XCR1: variants seen among roughly 807,000 people sequenced by gnomAD.
The protein encoded by XCR1 is X-C motif chemokine receptor 1.
For synonymous variants in XCR1, 187 were observed against 188.5 expected (o/e 0.99, Z 0.06); for missense variants, 356 against 424.2 (o/e 0.84, Z 1.41).
At chr3:46,049,508 G>C (rs1415840386) in intron 5 of XCR1, among the ~76,000 whole-genome samples, 3 of 152,224 alleles carry the variant, frequency 2.0e-5, no homozygotes, top group African/African-American at 7.2e-5. Context: ...AAAATAAGCA[G>C]TTCTGGGTCT....
intron 4 of XCR1, among the ~76,000 whole-genome samples, chr3:46,054,638 G>T (rs1041962001): frequency 6.6e-6 from 1 of 152,138 alleles, no homozygotes; most frequent in Non-Finnish European, 1.5e-5. Flanking sequence ...ATCAGTGACT[G>T]AGATGACGAG....
chr3:46,061,769 C>CA (rs1161543968), intron 4 of XCR1, among the ~76,000 whole-genome samples: 1 of 152,062 alleles, frequency 6.6e-6, no homozygotes, highest in African/African-American at 2.4e-5. Context: ...CAGAAGGAGT[C>CA]ATGGGGGTGC....
chr3:46,023,215 ACGCGGCTGCGT>A, intron 1 of XCR1: 1 of 527,554 alleles, frequency 1.9e-6, no homozygotes. Flanking sequence ...CCCAGAGAGG[ACGCGGCTGCGT>A]CGCGCTCCCC....
At chr3:46,031,261 C>T (rs1386076579), upstream of XCR1, among the ~76,000 whole-genome samples, 1 of 152,224 alleles carries the variant, frequency 6.6e-6, no homozygotes, top group East Asian at 1.9e-4. Context: ...TGGATCCAGG[C>T]ATCTCTGCAC....
At position 46,037,695 on chromosome 3, in the gene XCR1, CTGAT is replaced by C. The variant is rs1320363083; in HGVS notation, c.-31-15721_-31-15718del. ...CTGATAGAAAATTGGAAAAATTTGACTGATTAACATTGCTCATAGTTAAAGCTCT... is the reference window on the plus strand; with the variant it reads ...CTGATAGAAAATTGGAAAAATTTGACTAACATTGCTCATAGTTAAAGCTCT... On this transcript the variant is annotated intron_variant, in intron 5 of 5. Coordinates refer to the XCR1 transcript ENST00000683768. Among the ~76,000 whole-genome samples the C allele has an allele frequency of 3.9e-5, 6 of 152,044 alleles. No individual in the cohort carries two copies. The South Asian group carries it at 1.0e-3, about 26-fold the overall frequency.
chr3:46,045,788 C>T (rs572152169), intron 5 of XCR1, among the ~76,000 whole-genome samples: 3 of 152,232 alleles, frequency 2.0e-5, no homozygotes, highest in East Asian at 1.9e-4. Context: ...TTAGTACAAC[C>T]TCTATAGAAA....
intron 5 of XCR1, among the ~76,000 whole-genome samples, chr3:46,053,827 C>T (rs1465301188): frequency 2.6e-5 from 4 of 152,174 alleles, no homozygotes; most frequent in South Asian, 2.1e-4. Flanking sequence ...CTTCAACAGA[C>T]CAATTCTGCC....
chr3:46,076,218 A>G (rs1219808557), intron 2 of XCR1, among the ~76,000 whole-genome samples: 1 of 152,188 alleles, frequency 6.6e-6, no homozygotes, highest in Non-Finnish European at 1.5e-5. Flanking sequence ...GTGGTCCTAC[A>G]ATTTAGGCAA....
At chr3:46,080,311 A>T (rs1698334892) in intron 1 of XCR1, among the ~76,000 whole-genome samples, 1 of 152,236 alleles carries the variant, frequency 6.6e-6, no homozygotes, top group South Asian at 2.1e-4. Flanking sequence ...GAGCAAAGGC[A>T]ATCATTTCAC....
chr3:46,031,120 G>A (rs998890019), upstream of XCR1, among the ~76,000 whole-genome samples: 2 of 151,094 alleles, frequency 1.3e-5, no homozygotes, highest in African/African-American at 5.0e-5. Flanking sequence ...GGTGGGACAC[G>A]GAACTCCCCA....
upstream of XCR1, among the ~76,000 whole-genome samples, chr3:46,031,460 C>T (rs1403669702): frequency 2.6e-5 from 4 of 152,224 alleles, no homozygotes; most frequent in South Asian, 4.1e-4. Context: ...GGCCCTGTCA[C>T]CTTGGCCCCC....
At chr3:46,085,248 A>T (rs1046924145) in intron 1 of XCR1, among the ~76,000 whole-genome samples, 14 of 151,912 alleles carry the variant, frequency 9.2e-5, no homozygotes, top group African/African-American at 3.4e-4. Flanking sequence ...CCGCAAACAC[A>T]ACTCATCACA....
At chr3:46,049,249 G>A (rs1276117115) in intron 5 of XCR1, among the ~76,000 whole-genome samples, 2 of 152,214 alleles carry the variant, frequency 1.3e-5, no homozygotes, top group African/African-American at 4.8e-5. Flanking sequence ...CCAGGGGCAT[G>A]CTGGCAAGTA....
At chr3:46,057,661 C>T (rs1390966957) in intron 4 of XCR1, among the ~76,000 whole-genome samples, 1 of 151,996 alleles carries the variant, frequency 6.6e-6, no homozygotes, top group East Asian at 1.9e-4. Context: ...TCTAGGAGGC[C>T]CGATTCCTCC....
chr3:46,026,074 G>T (rs1708281561), intron 1 of XCR1, among the ~76,000 whole-genome samples: 1 of 151,996 alleles, frequency 6.6e-6, no homozygotes, highest in Non-Finnish European at 1.5e-5. Flanking sequence ...AAAACTATAT[G>T]ATCTTTTCTG....
rs746598461 is a variant in XCR1, at chr3:46,020,798, G to T, written c.*148C>A. The T allele has an allele frequency of 2.7e-4, 305 of 1,141,906 alleles. 1 individual carries two copies. Among genetic ancestry groups the T allele is most frequent in the Non-Finnish European group, 3.5e-4 (296 of 834,610 alleles). 70.7% of individuals were successfully genotyped at this position (1,141,906 alleles called of 1,614,324 possible). A position where few individuals can be genotyped will look rare whatever the true frequency, so the allele number is the denominator to read the frequency against. The stretch of plus-strand genomic sequence containing the variant: ...TGAGAGGCTGGCGGGACCCACTGGT[G>T]TAATGAATGACCTTCACTGCACGCC... On this transcript the variant is annotated 3_prime_UTR_variant, in exon 2 of 2. Transcript: ENST00000309285.
At chr3:46,060,137 A>G (rs1339946843) in intron 4 of XCR1, among the ~76,000 whole-genome samples, 2 of 152,246 alleles carry the variant, frequency 1.3e-5, no homozygotes, top group East Asian at 3.8e-4. Flanking sequence ...TCATTTCTGC[A>G]TCTGGTCATA....
intron 4 of XCR1, among the ~76,000 whole-genome samples, chr3:46,056,001 G>C (rs1161305178): frequency 6.6e-6 from 1 of 152,182 alleles, no homozygotes; most frequent in Non-Finnish European, 1.5e-5. Flanking sequence ...CAAAGTCTCA[G>C]GTTTCTAGGG....
rs201315141 is a variant in XCR1 at position 46,021,284 on chromosome 3, G to A, written c.664C>T (p.Arg222Cys). ...ATGGCGAAGATGAGCTTGACCGTGCGGTGGCGCCGCTTGGAGCGTGAGCGG... is the reference window on the plus strand; with the variant it reads ...ATGGCGAAGATGAGCTTGACCGTGCAGTGGCGCCGCTTGGAGCGTGAGCGG... ...LFRSRSKRRHRTVKLIFAIVV... is the reference protein window; with the variant it reads ...LFRSRSKRRHCTVKLIFAIVV... The change falls in exon 2 of 2, where the codon CGC (arginine) becomes TGC (cysteine). Residue 222 changes from arginine (R) to cysteine (C), a missense_variant. Coordinates refer to ENST00000309285, the MANE Select transcript of XCR1 (RefSeq NM_001024644.2). This position sits in a 1 kb window ranked among gnomAD's most constrained non-coding sequence, Gnocchi z 4.7. 1.3e-4 allele frequency: 215 copies of A among 1,614,198 alleles called. No individual in the cohort carries two copies. In the African/African-American group the frequency reaches 2.5e-3, roughly 19 times the overall value.
Sources: gnomAD v4.1 joint callset for allele counts (sites outside exome capture counted in the v4.1 genomes callset) on GRCh38, gnomAD v4.1.1 for gene constraint, Gnocchi (gnomAD v3.1) non-coding constraint, MANE v1.5 for transcripts, NCBI Gene and HGNC (gene_info 2026-07-23, HGNC 2026-07-21) for gene names.